Variants in PCCA observed in about 807,000 individuals in gnomAD.
PCCA encodes propionyl-CoA carboxylase subunit alpha.
PCCA carries 74 observed loss-of-function variants against 101.3 expected under a neutral mutation model. The observed-to-expected ratio is 0.73, with a 90% CI of 0.61 to 0.89. PCCA has a LOEUF of 0.89. Ranked by LOEUF, PCCA falls within the 40% of genes least tolerant of loss-of-function variation. PCCA has a pLI of 0.00. For missense variants in PCCA, 891 were observed against 907.0 expected (o/e 0.98, Z 0.23); for synonymous variants, 294 against 313.6 (o/e 0.94, Z 0.66).
At chr13:100,265,623 T>C (rs2062882105) in intron 10 of PCCA, among the ~76,000 whole-genome samples, 1 of 152,104 alleles carries the variant, frequency 6.6e-6, no homozygotes, top group Non-Finnish European at 1.5e-5. Context: ...CCCCATCTGA[T>C]GGGAGATTTG....
intron 21 of PCCA, among the ~76,000 whole-genome samples, chr13:100,451,988 T>C (rs116683526): frequency 0.15 from 376 of 2,466 alleles, 1 homozygote; most frequent in African/African-American, 0.2. Context: ...CTCTCTCTCT[T>C]TTCTCCCTCT....
chr13:100,343,930 C>G (rs566564166), intron 18 of PCCA, among the ~76,000 whole-genome samples: 13 of 152,266 alleles, frequency 8.5e-5, no homozygotes, highest in African/African-American at 3.1e-4. Context: ...CAAAAATTAG[C>G]CAGGCTTGGT....
intron 10 of PCCA, 90 bp downstream of exon 10, chr13:100,262,921 T>C: frequency 1.4e-6 from 1 of 702,674 alleles, no homozygotes; most frequent in South Asian, 1.6e-5. Flanking sequence ...TTTAGAATGA[T>C]TGTGAGTTGT....
chr13:100,203,497 T>C (rs1048773922), intron 6 of PCCA, among the ~76,000 whole-genome samples: 1 of 151,852 alleles, frequency 6.6e-6, no homozygotes, highest in Non-Finnish European at 1.5e-5. Context: ...CGAGACCAGC[T>C]CGGCCAACAT....
chr13:100,322,536 T>A (rs943835585), intron 16 of PCCA, among the ~76,000 whole-genome samples: 3 of 151,964 alleles, frequency 2.0e-5, no homozygotes, highest in African/African-American at 7.2e-5. Context: ...GGTAAACTAT[T>A]CAGTCTCTCT....
intron 18 of PCCA, among the ~76,000 whole-genome samples, chr13:100,348,786 T>C (rs2072770211): frequency 3.6e-5 from 2 of 55,320 alleles, no homozygotes; most frequent in Non-Finnish European, 8.0e-5. Context: ...CTTTCTTTCT[T>C]TCTTCCTTCC....
At chr13:100,315,628 C>A (rs891614523) in intron 16 of PCCA, among the ~76,000 whole-genome samples, 2 of 152,058 alleles carry the variant, frequency 1.3e-5, no homozygotes, top group Non-Finnish European at 2.9e-5. Flanking sequence ...AATAAGAGTG[C>A]TTTTGGCCTC....
chr13:100,345,090 A>G (rs1056647724), intron 18 of PCCA, among the ~76,000 whole-genome samples: 43 of 152,184 alleles, frequency 2.8e-4, no homozygotes, highest in African/African-American at 9.4e-4. Flanking sequence ...ATAAAGTAAT[A>G]TTGAAGTTAG....
chr13:100,461,120 A>T (rs1292654876), intron 21 of PCCA, among the ~76,000 whole-genome samples: 3 of 152,240 alleles, frequency 2.0e-5, no homozygotes, highest in Admixed American at 6.5e-5. Flanking sequence ...TAATAATATC[A>T]GATGGAGTTG....
At chr13:100,296,165 C>T (rs2065507789) in intron 12 of PCCA, among the ~76,000 whole-genome samples, 1 of 152,094 alleles carries the variant, frequency 6.6e-6, no homozygotes, top group South Asian at 2.1e-4. Context: ...AGTCAGATGT[C>T]TTTATTTTTA....
At chr13:100,152,816 A>G (rs2053503097) in intron 4 of PCCA, among the ~76,000 whole-genome samples, 1 of 152,222 alleles carries the variant, frequency 6.6e-6, no homozygotes, top group Non-Finnish European at 1.5e-5. Flanking sequence ...GTTAAAAAAC[A>G]AAAGGGTGAA....
intron 11 of PCCA, among the ~76,000 whole-genome samples, chr13:100,270,964 T>G (rs2152574894): frequency 6.6e-6 from 1 of 152,190 alleles, no homozygotes; most frequent in East Asian, 1.9e-4. Context: ...GCCGACATCA[T>G]GCCACCAGAT....
chr13:100,125,135 T>TTGTGTGTGTG (rs3034643), intron 4 of PCCA, among the ~76,000 whole-genome samples: 6,605 of 149,148 alleles, frequency 0.044, 224 homozygotes, highest in East Asian at 0.17. Context: ...GACCTTTTAT[T>TTGTGTGTGTG]TGTGTGTGTG....
At chr13:100,144,465 T>C (rs2052290309) in intron 4 of PCCA, among the ~76,000 whole-genome samples, 2 of 152,208 alleles carry the variant, frequency 1.3e-5, no homozygotes, top group African/African-American at 2.4e-5. Context: ...AATTTAGGAC[T>C]GGTATGATCA....
chr13:100,521,152 A>C (rs982936621), intron 22 of PCCA, among the ~76,000 whole-genome samples: 1 of 152,102 alleles, frequency 6.6e-6, no homozygotes, highest in African/African-American at 2.4e-5. Context: ...GGCAGCAGGG[A>C]GTCATATTTT....
intron 18 of PCCA, among the ~76,000 whole-genome samples, chr13:100,361,073 A>G (rs2074521373): frequency 6.6e-6 from 1 of 152,198 alleles, no homozygotes; most frequent in South Asian, 2.1e-4. Context: ...TTCCAGCGCT[A>G]AGTGACATTC....
rs540196937 is a variant in PCCA at position 100,312,186 on chromosome 13, T to G, written c.1429+2278T>G. On this transcript the variant is annotated intron_variant, in intron 16 of 23. Transcript: ENST00000376285. The stretch of plus-strand genomic sequence containing the variant: ...CAAGGAGTTACTAATATACTTGGTG[T>G]GAAAACATATGAAAAGATAAGTATA... Among the ~76,000 whole-genome samples, 14 of 152,324 alleles carry G rather than the reference T, an allele frequency of 9.2e-5. 2 individuals carry two copies. The East Asian group carries it at 9.6e-4, about 10-fold the overall frequency.
At chr13:100,105,657 CAAAAAAAA>C (rs34277733) in intron 2 of PCCA, among the ~76,000 whole-genome samples, 1 of 75,862 alleles carries the variant, frequency 1.3e-5, no homozygotes, top group Non-Finnish European at 2.5e-5. Flanking sequence ...CTGTCTCTAC[CAAAAAAAA>C]AAAAAAAAAA....
chr13:100,273,403 C>T, intron 12 of PCCA, 57 bp downstream of exon 12: 2 of 1,384,260 alleles, frequency 1.4e-6, no homozygotes, highest in Admixed American at 3.4e-5. Flanking sequence ...CCTTCCTTCT[C>T]CACCCTTTTT....
Sources: allele counts gnomAD v4.1 joint callset (sites outside exome capture counted in the v4.1 genomes callset), GRCh38; gene constraint gnomAD v4.1.1; transcripts MANE v1.5; gene names NCBI Gene and HGNC (gene_info 2026-07-23, HGNC 2026-07-21).